Variants in CARMIL1 observed in about 807,000 individuals in gnomAD.
The protein encoded by CARMIL1 is F-actin-uncapping protein LRRC16A.
A neutral mutation model predicts 177.1 loss-of-function variants in CARMIL1; 90 were observed. The observed-to-expected ratio is 0.51, with a 90% confidence interval of 0.43 to 0.61. CARMIL1 has a LOEUF of 0.61. Ranked by LOEUF, CARMIL1 falls within the 20% of genes least tolerant of loss-of-function variation. CARMIL1 has a pLI of 0.00. For synonymous variants in CARMIL1, 577 were observed against 606.2 expected (o/e 0.95, Z 0.71); for missense variants, 1,380 against 1,667.0 (o/e 0.83, Z 3.00).
chr6:25,384,804 A>C (rs1791985033), intron 2 of CARMIL1, among the ~76,000 whole-genome samples: 1 of 152,112 alleles, frequency 6.6e-6, no homozygotes, highest in African/African-American at 2.4e-5. Context: ...AATCATTGCT[A>C]ATAATAGAGT....
chr6:25,584,907 T>G (rs1232981324), intron 31 of CARMIL1, among the ~76,000 whole-genome samples: 1 of 152,196 alleles, frequency 6.6e-6, no homozygotes, highest in Non-Finnish European at 1.5e-5. Flanking sequence ...ATCAATCTGT[T>G]CTAGAGAGAT....
At chr6:25,369,845 C>T (rs1212729616) in intron 2 of CARMIL1, 2 of 152,206 alleles carry the variant, frequency 1.3e-5, no homozygotes, top group Non-Finnish European at 2.9e-5. Flanking sequence ...CCCTTCCAGC[C>T]ACGCTCTTTG....
intron 4 of CARMIL1, chr6:25,432,922 A>T (rs1024312718): frequency 6.6e-6 from 1 of 152,208 alleles, no homozygotes; most frequent in Non-Finnish European, 1.5e-5. Context: ...TTTTAAATGT[A>T]TATTAGATAT....
intron 2 of CARMIL1, among the ~76,000 whole-genome samples, chr6:25,336,497 G>A (rs1377268516): frequency 2.6e-5 from 4 of 152,318 alleles, no homozygotes; most frequent in African/African-American, 7.2e-5. Context: ...GCTGTGTGAC[G>A]TTGGACAAGT....
chr6:25,341,498 T>C (rs909991849), intron 2 of CARMIL1, among the ~76,000 whole-genome samples: 1 of 151,978 alleles, frequency 6.6e-6, no homozygotes, highest in Non-Finnish European at 1.5e-5. Flanking sequence ...CTGAGGCGGG[T>C]GGATCACCTG....
intron 2 of CARMIL1, among the ~76,000 whole-genome samples, chr6:25,293,290 G>GTGTGTGTGTT (rs1782128611): frequency 6.6e-6 from 1 of 150,676 alleles, no homozygotes; most frequent in Non-Finnish European, 1.5e-5. Flanking sequence ...GTGTGTGTGT[G>GTGTGTGTGTT]TGTGTGTGTG....
rs367649733 is a variant in CARMIL1, at chr6:25,465,267, G to A, written c.615-606G>A. Reference sequence around the variant, plus strand: ...AGGCCAGGCACTGTGTCTTATGCCTGTAATCTCAGCACTTTGGGTGGGGGC... The same window carrying A: ...AGGCCAGGCACTGTGTCTTATGCCTATAATCTCAGCACTTTGGGTGGGGGC... On this transcript the variant is annotated intron_variant, in intron 8 of 36. Coordinates refer to ENST00000329474, the MANE Select transcript of CARMIL1 (RefSeq NM_017640.6). 4.9e-4 allele frequency among the ~76,000 whole-genome samples: 75 copies of A among 152,234 alleles called. 1 individual carries two copies. The South Asian group carries it at 0.015, about 30-fold the overall frequency.
At position 25,330,980 on chromosome 6, in the gene CARMIL1, T is replaced by C. The variant is rs150887441; in HGVS notation, c.138+46071T>C. On this transcript the variant is annotated intron_variant, in intron 2 of 36. Transcript: ENST00000329474. ...AAAAGTTTCCCAGAAGTGAATCATG[T>C]TTATCAAGATAAATTGTAGAAAGAA... Among the ~76,000 whole-genome samples, 827 of 151,782 alleles carry C rather than the reference T, an allele frequency of 5.4e-3. 4 individuals are homozygous for C. The highest frequency in any genetic ancestry group is 0.015 in the African/African-American group (619 of 41,338).
chr6:25,327,303 A>T (rs979748635), intron 2 of CARMIL1, among the ~76,000 whole-genome samples: 11 of 152,128 alleles, frequency 7.2e-5, no homozygotes, highest in African/African-American at 2.4e-4. Flanking sequence ...AAACCAGGAA[A>T]CTGGTTTCAT....
At chr6:25,421,985 C>T (rs1795901745) in intron 3 of CARMIL1, among the ~76,000 whole-genome samples, 1 of 151,512 alleles carries the variant, frequency 6.6e-6, no homozygotes, top group African/African-American at 2.4e-5. Context: ...CTAACCTGCA[C>T]ATTGTGCACA....
intron 8 of CARMIL1, among the ~76,000 whole-genome samples, chr6:25,459,827 A>G (rs1305040240): frequency 4.6e-5 from 7 of 152,190 alleles, no homozygotes. Flanking sequence ...GGAGAATGCA[A>G]TGTTGCCATG....
At chr6:25,387,800 G>A (rs1581764712) in intron 2 of CARMIL1, among the ~76,000 whole-genome samples, 1 of 152,160 alleles carries the variant, frequency 6.6e-6, no homozygotes, top group South Asian at 2.1e-4. Flanking sequence ...AATATTTTCA[G>A]TAGAAGACTG....
At chr6:25,352,305 G>A (rs1467300021) in intron 2 of CARMIL1, among the ~76,000 whole-genome samples, 1 of 140,526 alleles carries the variant, frequency 7.1e-6, no homozygotes, top group Non-Finnish European at 1.5e-5. Flanking sequence ...TGGTTTTCAG[G>A]TACTTGTAGG....
intron 2 of CARMIL1, among the ~76,000 whole-genome samples, chr6:25,374,508 G>A (rs1379636193): frequency 6.6e-6 from 1 of 152,188 alleles, no homozygotes; most frequent in Non-Finnish European, 1.5e-5. Context: ...TGCAGTTCTT[G>A]GGTGGGATAT....
chr6:25,528,759 A>T (rs1455784029), intron 23 of CARMIL1, 36 bp from the exon 24 acceptor site: 1 of 1,429,802 alleles, frequency 7.0e-7, no homozygotes, highest in South Asian at 1.2e-5. Context: ...CTGGGTTGAA[A>T]TGTATTCTTG....
chr6:25,493,969 A>G (rs1179932264), intron 15 of CARMIL1, among the ~76,000 whole-genome samples: 1 of 151,578 alleles, frequency 6.6e-6, no homozygotes, highest in Non-Finnish European at 1.5e-5. Context: ...ATCTTCTCAG[A>G]TATTTTGGTT....
chr6:25,454,111 T>G (rs1799253541), intron 8 of CARMIL1, among the ~76,000 whole-genome samples: 1 of 152,256 alleles, frequency 6.6e-6, no homozygotes, highest in Non-Finnish European at 1.5e-5. Context: ...AATTATTTAC[T>G]AATTCCTTAG....
At chr6:25,565,161 A>G (rs1428028922) in intron 29 of CARMIL1, among the ~76,000 whole-genome samples, 1 of 152,228 alleles carries the variant, frequency 6.6e-6, no homozygotes, top group Non-Finnish European at 1.5e-5. Context: ...TAAATTGAGG[A>G]ACCCAATTTG....
At chr6:25,309,981 G>C (rs1783651853) in intron 2 of CARMIL1, among the ~76,000 whole-genome samples, 1 of 151,792 alleles carries the variant, frequency 6.6e-6, no homozygotes, top group South Asian at 2.1e-4. Context: ...CCTTGGCCAG[G>C]CTGGTCTTAA....
Sources: gnomAD v4.1 joint callset for allele counts (sites outside exome capture counted in the v4.1 genomes callset) on GRCh38, gnomAD v4.1.1 for gene constraint, MANE v1.5 for transcripts, NCBI Gene and HGNC (gene_info 2026-07-23, HGNC 2026-07-21) for gene names.